The following SLC9B1 variants were observed in gnomAD, a reference collection of about 807,000 sequenced individuals.
SLC9B1 encodes sodium/hydrogen exchanger 9B1.
SLC9B1 carries 32 observed loss-of-function variants against 51.7 expected under a neutral mutation model. That is an observed-to-expected ratio of 0.62 (90% CI 0.47 to 0.83). The LOEUF is 0.83. Ranked by LOEUF, SLC9B1 falls within the 40% of genes least tolerant of loss-of-function variation. The probability of loss-of-function intolerance (pLI) is 0.00; values close to 1 mark genes in which losing one functional copy is unlikely to be tolerated. For missense variants in SLC9B1, 406 were observed against 613.2 expected (o/e 0.66, Z 3.57); for synonymous variants, 145 against 212.7 (o/e 0.68, Z 2.77).
At chr4:102,938,579 C>T (rs1229093254) in intron 6 of SLC9B1, among the ~76,000 whole-genome samples, 1 of 152,166 alleles carries the variant, frequency 6.6e-6, no homozygotes, top group Non-Finnish European at 1.5e-5. Flanking sequence ...ATGTTCCTCT[C>T]ATCTGTACAT....
At chr4:102,962,924 T>A (rs570106261) in intron 3 of SLC9B1, 9 of 465,922 alleles carry the variant, frequency 1.9e-5, no homozygotes, top group African/African-American at 1.8e-4. Context: ...ACCTGAAATA[T>A]TTTTTTACCC....
intron 7 of SLC9B1, among the ~76,000 whole-genome samples, chr4:102,920,796 G>C (rs1318030681): frequency 6.6e-6 from 1 of 152,198 alleles, no homozygotes; most frequent in African/African-American, 2.4e-5. Context: ...CAATCAAGTG[G>C]AAGAAAGGGT....
At chr4:102,887,040 AG>A (rs1449023759) in intron 11 of SLC9B1, among the ~76,000 whole-genome samples, 1 of 152,230 alleles carries the variant, frequency 6.6e-6, no homozygotes, top group African/African-American at 2.4e-5. Flanking sequence ...TCGAATTTTA[AG>A]CTCCACAAAT....
intron 11 of SLC9B1, among the ~76,000 whole-genome samples, chr4:102,901,631 C>T (rs1734798679): frequency 6.6e-6 from 1 of 152,196 alleles, no homozygotes; most frequent in African/African-American, 2.4e-5. Context: ...GCCCTCATAA[C>T]ACCAGGAGTT....
At chr4:102,923,969 T>C (rs1736020918) in intron 7 of SLC9B1, among the ~76,000 whole-genome samples, 1 of 152,160 alleles carries the variant, frequency 6.6e-6, no homozygotes, top group East Asian at 1.9e-4. Context: ...ATTGTGAAAA[T>C]GGCCATATTG....
intron 1 of SLC9B1, among the ~76,000 whole-genome samples, chr4:102,996,626 T>C (rs72937479): frequency 0.011 from 1,704 of 152,306 alleles, 22 homozygotes; most frequent in African/African-American, 0.037. Flanking sequence ...CAATATCTAA[T>C]TGACTCAGCA....
At chr4:102,979,236 A>G (rs1342390241) in intron 3 of SLC9B1, among the ~76,000 whole-genome samples, 1 of 152,194 alleles carries the variant, frequency 6.6e-6, no homozygotes, top group African/African-American at 2.4e-5. Context: ...AGTTAACCTG[A>G]TTGGTGAGAA....
chr4:102,960,858 G>A (rs574617421), intron 3 of SLC9B1, among the ~76,000 whole-genome samples: 7 of 151,226 alleles, frequency 4.6e-5, no homozygotes, highest in African/African-American at 1.7e-4. Context: ...TCAGCCTCCC[G>A]AGTAGCTGGG....
chr4:102,938,241 T>C (rs141904443), intron 6 of SLC9B1, among the ~76,000 whole-genome samples: 2,290 of 152,090 alleles, frequency 0.015, 26 homozygotes, highest in Middle Eastern at 0.061. Context: ...TCAGACAAAA[T>C]AGACTTTAAA....
At chr4:102,981,630 C>T (rs1384951360) in intron 3 of SLC9B1, among the ~76,000 whole-genome samples, 1 of 152,106 alleles carries the variant, frequency 6.6e-6, no homozygotes, top group Non-Finnish European at 1.5e-5. Context: ...TTTTCATAAG[C>T]TTACTTGCCA....
intron 1 of SLC9B1, among the ~76,000 whole-genome samples, chr4:102,993,381 A>T (rs571188929): frequency 2.0e-5 from 3 of 152,128 alleles, no homozygotes; most frequent in Non-Finnish European, 4.4e-5. Flanking sequence ...TTCCATAATG[A>T]TCTCCTTTTA....
intron 1 of SLC9B1, among the ~76,000 whole-genome samples, chr4:102,996,064 A>T (rs1740199128): frequency 6.6e-6 from 1 of 152,160 alleles, no homozygotes; most frequent in Admixed American, 6.5e-5. Context: ...TATTACTCAG[A>T]TCTTTGTCAA....
intron 3 of SLC9B1, among the ~76,000 whole-genome samples, chr4:102,988,666 T>C (rs761912215): frequency 7.9e-5 from 12 of 151,842 alleles, no homozygotes; most frequent in African/African-American, 2.4e-4. Flanking sequence ...CAGAGAGAGA[T>C]TGATTTCAAA....
At chr4:102,973,342 A>T (rs1217423415) in intron 3 of SLC9B1, among the ~76,000 whole-genome samples, 1 of 152,194 alleles carries the variant, frequency 6.6e-6, no homozygotes, top group Admixed American at 6.5e-5. Context: ...CATTCTGAGG[A>T]ATAAAAGTCA....
At chr4:102,911,700 T>A (rs1352064569) in intron 7 of SLC9B1, among the ~76,000 whole-genome samples, 163 bp from the exon 8 acceptor site, 2 of 152,184 alleles carry the variant, frequency 1.3e-5, no homozygotes, top group African/African-American at 4.8e-5. Context: ...AACATGTAGA[T>A]CTATTTAGTA....
chr4:102,948,785 A>G lies in SLC9B1; in HGVS notation c.382+472T>C, dbSNP rs561455458. 9.2e-5 allele frequency among the ~76,000 whole-genome samples: 14 copies of G among 152,262 alleles called. No individual in the cohort carries two copies. The East Asian group carries it at 2.7e-3, about 29-fold the overall frequency. On this transcript the variant is annotated intron_variant, in intron 4 of 11. Transcript: ENST00000296422. Reference sequence around the variant, plus strand: ...ACAATGGGTACATATGGACCTAAAGATGGAAATAATAGACACTGGGGAGTC... The same window carrying G: ...ACAATGGGTACATATGGACCTAAAGGTGGAAATAATAGACACTGGGGAGTC...
intron 1 of SLC9B1, among the ~76,000 whole-genome samples, chr4:103,005,153 A>G (rs905540146): frequency 3.9e-5 from 6 of 152,114 alleles, no homozygotes; most frequent in African/African-American, 1.4e-4. Flanking sequence ...GGCAAGTTGG[A>G]TAAAGAAGCA....
At chr4:102,944,570 T>C (rs62327305) in intron 6 of SLC9B1, among the ~76,000 whole-genome samples, 1 of 152,254 alleles carries the variant, frequency 6.6e-6, no homozygotes. Context: ...GTAGTAACTA[T>C]GTAATGGATG....
At chr4:103,014,635 A>C (rs565837115) in intron 1 of SLC9B1, among the ~76,000 whole-genome samples, 1 of 152,240 alleles carries the variant, frequency 6.6e-6, no homozygotes, top group Non-Finnish European at 1.5e-5. Flanking sequence ...ATTGCCTAAC[A>C]TAGTATATAG....
Sources: gnomAD v4.1 joint callset for allele counts (sites outside exome capture counted in the v4.1 genomes callset) on GRCh38, gnomAD v4.1.1 for gene constraint, MANE v1.5 for transcripts, NCBI Gene and HGNC (gene_info 2026-07-23, HGNC 2026-07-21) for gene names.